The following TSHZ2 variants were observed in gnomAD, a reference collection of about 807,000 sequenced individuals.
The protein encoded by TSHZ2 is teashirt zinc finger homeobox 2.
Under a neutral mutation model 74.4 loss-of-function variants are expected in TSHZ2, and 21 were observed. That is an observed-to-expected ratio of 0.28 (90% CI 0.20 to 0.41). The LOEUF (loss-of-function observed/expected upper bound fraction) is 0.41. Ranked by LOEUF, TSHZ2 falls within the 10% of genes least tolerant of loss-of-function variation. The pLI, the probability that TSHZ2 is intolerant of heterozygous loss-of-function variation, is 1.00. For synonymous variants in TSHZ2, 540 were observed against 515.3 expected (o/e 1.05, Z -0.65); for missense variants, 1,244 against 1,293.5 (o/e 0.96, Z 0.59).
intron 1 of TSHZ2, among the ~76,000 whole-genome samples, chr20:53,214,895 AT>A (rs1989398595): frequency 6.6e-6 from 1 of 152,194 alleles, no homozygotes; most frequent in South Asian, 2.1e-4. Flanking sequence ...TGTCATTGCA[AT>A]GAGCTTGATT....
chr20:53,268,866 G>T (rs997286495), intron 2 of TSHZ2, among the ~76,000 whole-genome samples: 1 of 152,190 alleles, frequency 6.6e-6, no homozygotes, highest in African/African-American at 2.4e-5. Flanking sequence ...AGGCTTCGGG[G>T]TCAGACACAC....
chr20:53,208,985 C>G (rs1050940281), intron 1 of TSHZ2, among the ~76,000 whole-genome samples: 4 of 152,228 alleles, frequency 2.6e-5, no homozygotes, highest in Non-Finnish European at 4.4e-5. Flanking sequence ...CCAGGACACA[C>G]CTTTCACTTG....
intron 2 of TSHZ2, among the ~76,000 whole-genome samples, chr20:53,446,096 G>T (rs943925505): frequency 1.3e-5 from 2 of 152,056 alleles, no homozygotes; most frequent in Non-Finnish European, 1.5e-5. Flanking sequence ...CTCTCGTTTG[G>T]ATTCTAGGCT....
intron 1 of TSHZ2, among the ~76,000 whole-genome samples, chr20:53,244,926 T>C (rs1172155616): frequency 6.6e-6 from 1 of 152,236 alleles, no homozygotes; most frequent in Non-Finnish European, 1.5e-5. Flanking sequence ...TTCTTATGGA[T>C]GACACATAAA....
intron 2 of TSHZ2, among the ~76,000 whole-genome samples, chr20:53,469,694 A>G (rs1238696031): frequency 4.1e-5 from 4 of 96,396 alleles, no homozygotes; most frequent in African/African-American, 1.8e-4. Context: ...GGACGGACCC[A>G]AGAAAGATAG....
intron 2 of TSHZ2, among the ~76,000 whole-genome samples, chr20:53,391,216 G>A (rs1305442088): frequency 2.0e-5 from 3 of 152,000 alleles, no homozygotes; most frequent in South Asian, 2.1e-4. Context: ...GCACGATCTC[G>A]GCTCACTGCA....
At position 53,196,901 on chromosome 20, in the gene TSHZ2, G is replaced by A. The variant is rs114304029; in HGVS notation, c.41-56598G>A. On this transcript the variant is annotated intron_variant, in intron 1 of 2. Transcript: ENST00000371497. ...CATTAATCCACTGGCTGGAAGCCAG[G>A]AATATGCAGTACAGCCTCAGCTTCC... Among the ~76,000 whole-genome samples, 467 of 152,342 alleles carry A rather than the reference G, an allele frequency of 3.1e-3. 4 individuals are homozygous for A. Among genetic ancestry groups the A allele is most frequent in the African/African-American group, 0.011 (448 of 41,560 alleles).
intron 1 of TSHZ2, among the ~76,000 whole-genome samples, chr20:53,111,094 T>C (rs1453254274): frequency 6.6e-6 from 1 of 152,100 alleles, no homozygotes; most frequent in African/African-American, 2.4e-5. Flanking sequence ...GAGATAAAGA[T>C]TCAAGAAGTG....
intron 2 of TSHZ2, among the ~76,000 whole-genome samples, chr20:53,351,563 A>G (rs1980647482): frequency 6.6e-6 from 1 of 152,250 alleles, no homozygotes; most frequent in African/African-American, 2.4e-5. Flanking sequence ...CAAAATTTTG[A>G]AAGATAAAAT....
intron 2 of TSHZ2, among the ~76,000 whole-genome samples, chr20:53,395,805 C>T (rs1027231358): frequency 1.2e-4 from 19 of 152,260 alleles, no homozygotes; most frequent in African/African-American, 3.9e-4. Flanking sequence ...TTGAAATAAA[C>T]GATGACTTCA....
chr20:53,323,563 C>CTTTTTTTTTTTTTTTT lies in TSHZ2; in HGVS notation c.*8+67009_*8+67024dup, dbSNP rs34687825. On this transcript the variant is annotated intron_variant, in intron 2 of 2. Transcript: ENST00000371497. ...CACCCGTTTTCATTGCCTTGGAGGG[C>CTTTTTTTTTTTTTTTT]TTTTTTTTTTTTTTTTTTTTTTTTT... 3.0e-4 allele frequency among the ~76,000 whole-genome samples: 11 copies of CTTTTTTTTTTTTTTTT among 36,678 alleles called. 5 individuals carry two copies. Among genetic ancestry groups the CTTTTTTTTTTTTTTTT allele is most frequent in the Non-Finnish European group, 4.2e-4 (9 of 21,684 alleles). 24.1% of individuals were successfully genotyped at this position (36,678 alleles called of 152,430 possible).
intron 1 of TSHZ2, among the ~76,000 whole-genome samples, chr20:52,995,320 G>A (rs1229569326): frequency 6.6e-6 from 1 of 152,154 alleles, no homozygotes; most frequent in East Asian, 1.9e-4. Flanking sequence ...ATCTGGCTTA[G>A]CCACTAGCAG....
At chr20:53,160,998 G>T (rs747754964) in intron 1 of TSHZ2, among the ~76,000 whole-genome samples, 1 of 149,940 alleles carries the variant, frequency 6.7e-6, no homozygotes, top group African/African-American at 2.5e-5. Flanking sequence ...GATAAAGTTA[G>T]CAAATACAGA....
chr20:53,249,035 T>G (rs1275673936), intron 1 of TSHZ2, among the ~76,000 whole-genome samples: 1 of 151,976 alleles, frequency 6.6e-6, no homozygotes, highest in Non-Finnish European at 1.5e-5. Context: ...GAAACTGGGT[T>G]TCACCATGTT....
intron 2 of TSHZ2, among the ~76,000 whole-genome samples, chr20:53,339,512 C>T (rs1400542221): frequency 2.0e-5 from 3 of 152,204 alleles, no homozygotes; most frequent in Admixed American, 6.5e-5. Context: ...CACGTGGGAG[C>T]TCTGTAAGGT....
chr20:53,385,890 C>G (rs1982025863), intron 2 of TSHZ2, among the ~76,000 whole-genome samples: 2 of 152,318 alleles, frequency 1.3e-5, no homozygotes, highest in Non-Finnish European at 2.9e-5. Flanking sequence ...GTGGCCCAGA[C>G]AAGCCTGGAG....
chr20:53,285,985 T>C (rs1031520777), intron 2 of TSHZ2, among the ~76,000 whole-genome samples: 1 of 140,884 alleles, frequency 7.1e-6, no homozygotes, highest in Non-Finnish European at 1.5e-5. Context: ...AAAACAGAGG[T>C]TTTTTTTTAA....
chr20:52,974,303 G>A (rs1036243070), intron 1 of TSHZ2, among the ~76,000 whole-genome samples: 2 of 151,898 alleles, frequency 1.3e-5, no homozygotes, highest in Non-Finnish European at 2.9e-5. Flanking sequence ...CTGTCATCTC[G>A]CTGCCTTTGA....
At chr20:53,275,703 G>GAA (rs1339277184) in intron 2 of TSHZ2, among the ~76,000 whole-genome samples, 3 of 152,288 alleles carry the variant, frequency 2.0e-5, no homozygotes, top group Non-Finnish European at 4.4e-5. Context: ...CAAGGTGGAT[G>GAA]GATCACCTGA....
Sources: gnomAD v4.1 joint callset for allele counts (sites outside exome capture counted in the v4.1 genomes callset) on GRCh38, gnomAD v4.1.1 for gene constraint, MANE v1.5 for transcripts, NCBI Gene and HGNC (gene_info 2026-07-23, HGNC 2026-07-21) for gene names.